SERPINI1: variants seen among roughly 807,000 people sequenced by gnomAD.
SERPINI1 encodes the protein serpin family I member 1, also known as neuroserpin.
In SERPINI1, 19 loss-of-function variants were observed where a neutral mutation model predicts 41.1. The observed-to-expected ratio is 0.46, with a 90% CI of 0.32 to 0.68. The LOEUF (loss-of-function observed/expected upper bound fraction) is 0.68, where lower values mean the gene tolerates loss of function less well. SERPINI1 is among the 30% of genes least tolerant of loss of function. The pLI is 0.03. For missense variants in SERPINI1, 460 were observed against 479.2 expected, an observed-to-expected ratio of 0.96 and a Z score of 0.37; for synonymous variants, 138 against 156.6, an observed-to-expected ratio of 0.88 and a Z score of 0.89.
At chr3:167,774,808 C>T (rs868612513) in intron 1 of SERPINI1, among the ~76,000 whole-genome samples, 4 of 152,064 alleles carry the variant, frequency 2.6e-5, no homozygotes, top group Admixed American at 6.5e-5. Context: ...TTGTCTCCCA[C>T]GAAACCTGTC....
intron 1 of SERPINI1, among the ~76,000 whole-genome samples, chr3:167,748,471 C>T (rs973167069): frequency 3.9e-5 from 6 of 152,230 alleles, no homozygotes; most frequent in African/African-American, 9.6e-5. Context: ...ATAGAACTAA[C>T]GTCGCTAAAC....
At chr3:167,763,357 T>TTTTGTGTGTG (rs1726446166) in intron 1 of SERPINI1, among the ~76,000 whole-genome samples, 1 of 147,638 alleles carries the variant, frequency 6.8e-6, no homozygotes, top group African/African-American at 2.6e-5. Flanking sequence ...AACCACAGTT[T>TTTTGTGTGTG]TGTGTGTGTG....
chr3:167,801,551 T>C (rs998477716), intron 5 of SERPINI1, among the ~76,000 whole-genome samples: 6 of 152,304 alleles, frequency 3.9e-5, no homozygotes, highest in African/African-American at 1.4e-4. Flanking sequence ...TTAGAGAAAG[T>C]TGCTTGTTGC....
chr3:167,776,083 T>A (rs1292032670), intron 1 of SERPINI1, among the ~76,000 whole-genome samples: 1 of 152,068 alleles, frequency 6.6e-6, no homozygotes, highest in Non-Finnish European at 1.5e-5. Flanking sequence ...AGGGAAGAGA[T>A]CAAACAGTAG....
chr3:167,772,960 A>C (rs1196346544), intron 1 of SERPINI1, among the ~76,000 whole-genome samples: 2 of 122,342 alleles, frequency 1.6e-5, no homozygotes, highest in Admixed American at 1.6e-4. Flanking sequence ...ATATATATGT[A>C]TATGTGTGTA....
intron 1 of SERPINI1, among the ~76,000 whole-genome samples, chr3:167,786,486 C>T (rs1204403418): frequency 2.4e-5 from 3 of 127,234 alleles, no homozygotes; most frequent in Admixed American, 1.9e-4. Flanking sequence ...CCAGCCTGGG[C>T]GACAGAGGGA....
At chr3:167,745,434 CAT>C (rs1225798242) in intron 1 of SERPINI1, among the ~76,000 whole-genome samples, 2 of 151,928 alleles carry the variant, frequency 1.3e-5, no homozygotes, top group Admixed American at 6.6e-5. Context: ...CTACAGAAAA[CAT>C]AAATAATTTT....
At chr3:167,809,495 A>G (rs184594519) in intron 6 of SERPINI1, among the ~76,000 whole-genome samples, 58 of 152,330 alleles carry the variant, frequency 3.8e-4, no homozygotes, top group African/African-American at 1.3e-3. Context: ...TATAATTTCT[A>G]ACATATTTGG....
intron 6 of SERPINI1, among the ~76,000 whole-genome samples, chr3:167,819,109 T>A (rs1483334563): frequency 1.3e-5 from 2 of 152,208 alleles, no homozygotes; most frequent in East Asian, 3.8e-4. Context: ...AGTTAATATA[T>A]TTTACTGTCT....
intron 1 of SERPINI1, among the ~76,000 whole-genome samples, chr3:167,773,986 TC>T (rs1726879882): frequency 6.6e-6 from 1 of 152,174 alleles, no homozygotes; most frequent in Non-Finnish European, 1.5e-5. Context: ...AGGTTGGTGT[TC>T]CATATCAGTT....
chr3:167,747,918 A>C (rs1213783820), intron 1 of SERPINI1, among the ~76,000 whole-genome samples: 2 of 151,984 alleles, frequency 1.3e-5, no homozygotes, highest in South Asian at 2.1e-4. Flanking sequence ...ACTTTGTTAA[A>C]GTTTTTTTGT....
At chr3:167,742,818 T>G (rs916816214) in intron 1 of SERPINI1, among the ~76,000 whole-genome samples, 4 of 145,000 alleles carry the variant, frequency 2.8e-5, no homozygotes, top group African/African-American at 7.6e-5. Context: ...TTGTGCCGTT[T>G]TGTGTGTGTG....
intron 5 of SERPINI1, among the ~76,000 whole-genome samples, chr3:167,797,493 CTT>C: frequency 6.6e-6 from 1 of 152,122 alleles, no homozygotes; most frequent in South Asian, 2.1e-4. Flanking sequence ...ACATTTAAGT[CTT>C]TAATCCATCT....
intron 1 of SERPINI1, among the ~76,000 whole-genome samples, chr3:167,772,382 A>G (rs910163638): frequency 2.8e-4 from 42 of 152,318 alleles, no homozygotes; most frequent in African/African-American, 9.4e-4. Context: ...AAGCAATACT[A>G]GAAGTGAGGA....
intron 3 of SERPINI1, among the ~76,000 whole-genome samples, chr3:167,792,170 TTGAG>T (rs1260618071): frequency 2.0e-5 from 3 of 152,092 alleles, no homozygotes; most frequent in African/African-American, 7.2e-5. Flanking sequence ...GAAGCATTTA[TTGAG>T]TGTTTACTCT....
intron 1 of SERPINI1, among the ~76,000 whole-genome samples, chr3:167,771,337 G>T (rs1577408719): frequency 6.6e-6 from 1 of 152,190 alleles, no homozygotes; most frequent in Admixed American, 6.5e-5. Context: ...TTTTTTAAAT[G>T]AGAAGATTCT....
At chr3:167,756,511 T>C (rs1726197281) in intron 1 of SERPINI1, among the ~76,000 whole-genome samples, 1 of 152,112 alleles carries the variant, frequency 6.6e-6, no homozygotes, top group Non-Finnish European at 1.5e-5. Flanking sequence ...AGTTTCACCA[T>C]GTTACTCAGG....
intron 1 of SERPINI1, among the ~76,000 whole-genome samples, chr3:167,755,222 A>T (rs190553804): frequency 2.9e-4 from 44 of 152,280 alleles, no homozygotes; most frequent in Admixed American, 2.4e-3. Flanking sequence ...CTATTTCAGG[A>T]TGGTAGTTTG....
chr3:167,770,352 C>T (rs1560001454), intron 1 of SERPINI1, among the ~76,000 whole-genome samples: 1 of 151,900 alleles, frequency 6.6e-6, no homozygotes, highest in Non-Finnish European at 1.5e-5. Flanking sequence ...ATATATTGTT[C>T]TCCCAACACA....
Sources: gnomAD v4.1 joint callset for allele counts (sites outside exome capture counted in the v4.1 genomes callset) on GRCh38, gnomAD v4.1.1 for gene constraint, MANE v1.5 for transcripts, NCBI Gene and HGNC (gene_info 2026-07-23, HGNC 2026-07-21) for gene names.